Variants in GPD1L observed in about 807,000 individuals in gnomAD.
The protein encoded by GPD1L is glycerol-3-phosphate dehydrogenase 1-like protein.
GPD1L carries 17 observed loss-of-function variants against 32.9 expected under a neutral mutation model. The ratio of observed to expected loss-of-function variants is 0.52; its 90% confidence interval spans 0.35 to 0.78. The LOEUF (loss-of-function observed/expected upper bound fraction) is 0.78. GPD1L is among the 30% of genes least tolerant of loss of function. GPD1L has a pLI of 0.01. For synonymous variants in GPD1L, 187 were observed against 165.9 expected, an observed-to-expected ratio of 1.13 and a Z score of -0.98; for missense variants, 361 against 447.8, an observed-to-expected ratio of 0.81 and a Z score of 1.75.
Position 32,146,729 on chromosome 3 carries a change from C to T in GPD1L, c.613C>T (p.Leu205Phe). The stretch of plus-strand genomic sequence containing the variant: ...AGACACTGTTGAACTCTGTGGTGCG[C>T]TTAAGGTAAAGTCAGCCTCAGGGGA... ...DADTVELCGA[L>F]KNIVAVGAGF... is the part of the protein sequence containing the mutation. Residue 205 changes from leucine to phenylalanine, a missense_variant, in exon 5 of 8, where the codon CTT becomes TTT. By Grantham distance (22) the Leu-to-Phe change is conservative. Transcript: ENST00000282541. 6.3e-7 allele frequency: 1 copy of T among 1,594,620 alleles called. No individual in the cohort carries two copies. Among genetic ancestry groups the T allele is most frequent in the Non-Finnish European group, 8.6e-7 (1 of 1,162,624 alleles).
chr3:32,146,091 T>C (rs906026093), intron 4 of GPD1L, among the ~76,000 whole-genome samples: 2 of 62,700 alleles, frequency 3.2e-5, no homozygotes, highest in South Asian at 4.4e-4. Flanking sequence ...TTCTTTTTTT[T>C]TTTTTTTTTT....
At chr3:32,127,248 C>T (rs1230747910) in intron 1 of GPD1L, among the ~76,000 whole-genome samples, 1 of 152,164 alleles carries the variant, frequency 6.6e-6, no homozygotes, top group African/African-American at 2.4e-5. Flanking sequence ...TCATTTGCTC[C>T]TCACGCCAGG....
intron 2 of GPD1L, among the ~76,000 whole-genome samples, chr3:32,136,267 C>A (rs1700659020): frequency 6.6e-6 from 1 of 152,168 alleles, no homozygotes; most frequent in South Asian, 2.1e-4. Context: ...CAGCAGCATC[C>A]CACACTGTTC....
chr3:32,124,722 T>C (rs777392512), intron 1 of GPD1L, among the ~76,000 whole-genome samples: 4 of 152,028 alleles, frequency 2.6e-5, no homozygotes, highest in Non-Finnish European at 5.9e-5. Context: ...GCCCAGGAGT[T>C]CAAGACTAGC....
intron 4 of GPD1L, among the ~76,000 whole-genome samples, chr3:32,143,570 G>A (rs549197504): frequency 7.9e-5 from 12 of 152,308 alleles, no homozygotes; most frequent in South Asian, 2.1e-4. Flanking sequence ...CGAGCCAGGC[G>A]TGGTGACTCA....
In GPD1L at chr3:32,166,173, CT is replaced by C. The variant is rs1701144159; in HGVS notation, c.*270del. 1 of 498,568 alleles carries C rather than the reference CT, an allele frequency of 2.0e-6. No individual in the cohort carries two copies. Among genetic ancestry groups the C allele is most frequent in the Non-Finnish European group, 3.6e-6 (1 of 276,328 alleles). The allele number at this position is 498,568 out of a possible 1,614,324, so 30.9% of individuals were successfully genotyped here. A position where few individuals can be genotyped will look rare whatever the true frequency, so the allele number is the denominator to read the frequency against. On this transcript the variant is annotated 3_prime_UTR_variant, in exon 8 of 8. Transcript: ENST00000282541. ...GTTTCTATGAGCCAAAATTTGATGT[CT>C]TTTTTTCAAAATTGCTTATGAAATT...
chr3:32,144,822 A>AACACAC lies in GPD1L; in HGVS notation c.506-1773_506-1768dup, dbSNP rs60130762. Among the ~76,000 whole-genome samples, 100 of 142,152 alleles carry AACACAC rather than the reference A, an allele frequency of 7.0e-4. 1 individual carries two copies. Among genetic ancestry groups the AACACAC allele is most frequent in the Admixed American group, 3.1e-3 (44 of 14,212 alleles). 93.3% of individuals were successfully genotyped at this position (142,152 alleles called of 152,430 possible). A position where few individuals can be genotyped will look rare whatever the true frequency, so the allele number is the denominator to read the frequency against. On this transcript the variant is annotated intron_variant, in intron 4 of 7. Transcript: ENST00000282541. ...TGCCTCAGCCTCCTGAGTAGCTGGG[A>AACACAC]ACACACACACACACACACACACACA...
At chr3:32,119,776 C>T (rs57608505) in intron 1 of GPD1L, among the ~76,000 whole-genome samples, 3,473 of 152,190 alleles carry the variant, frequency 0.023, 123 homozygotes, top group African/African-American at 0.079. Flanking sequence ...CAAAGGACCA[C>T]GCTTTTGCCC....
intron 5 of GPD1L, among the ~76,000 whole-genome samples, chr3:32,152,985 T>C (rs907865797): frequency 2.6e-5 from 4 of 151,974 alleles, no homozygotes; most frequent in Non-Finnish European, 5.9e-5. Flanking sequence ...GGCTGGAAAA[T>C]CATTTTGGGG....
intron 1 of GPD1L, among the ~76,000 whole-genome samples, chr3:32,126,477 G>A (rs1388622426): frequency 6.6e-6 from 1 of 152,204 alleles, no homozygotes; most frequent in Non-Finnish European, 1.5e-5. Context: ...CCTTGTGAAA[G>A]TTACTTGATG....
At chr3:32,126,162 T>C in intron 1 of GPD1L, among the ~76,000 whole-genome samples, 1 of 152,182 alleles carries the variant, frequency 6.6e-6, no homozygotes, top group East Asian at 1.9e-4. Flanking sequence ...GCCACTGCAC[T>C]CCAGCCTGGG....
At chr3:32,148,849 C>G (rs529583115) in intron 5 of GPD1L, among the ~76,000 whole-genome samples, 1 of 152,284 alleles carries the variant, frequency 6.6e-6, no homozygotes, top group East Asian at 1.9e-4. Flanking sequence ...TTCCCCCCGA[C>G]TATAACACAG....
At chr3:32,133,303 C>T (rs1001087267) in intron 2 of GPD1L, among the ~76,000 whole-genome samples, 2 of 152,174 alleles carry the variant, frequency 1.3e-5, no homozygotes, top group African/African-American at 4.8e-5. Flanking sequence ...AAAATGAGAA[C>T]AGCCTTGGTA....
intron 5 of GPD1L, among the ~76,000 whole-genome samples, chr3:32,146,985 G>A (rs773275551): frequency 6.6e-6 from 1 of 152,220 alleles, no homozygotes; most frequent in Non-Finnish European, 1.5e-5. Flanking sequence ...GAAGTTGGCA[G>A]CATTGATATT....
At chr3:32,121,735 T>A (rs1700423445) in intron 1 of GPD1L, among the ~76,000 whole-genome samples, 1 of 140,886 alleles carries the variant, frequency 7.1e-6, no homozygotes. Flanking sequence ...ATATATATAT[T>A]TCTATATATA....
chr3:32,112,010 C>T (rs185225228), intron 1 of GPD1L, among the ~76,000 whole-genome samples: 2 of 152,234 alleles, frequency 1.3e-5, no homozygotes, highest in Admixed American at 6.5e-5. Flanking sequence ...GACAGGCGCA[C>T]GGACACACTT....
At chr3:32,154,886 G>A (rs1307906817) in intron 5 of GPD1L, among the ~76,000 whole-genome samples, 1 of 151,864 alleles carries the variant, frequency 6.6e-6, no homozygotes, top group Non-Finnish European at 1.5e-5. Context: ...TAGGTGGGAC[G>A]AAAGGTGCAT....
intron 4 of GPD1L, among the ~76,000 whole-genome samples, chr3:32,142,182 T>C (rs1700753899): frequency 6.6e-6 from 1 of 152,010 alleles, no homozygotes; most frequent in South Asian, 2.1e-4. Flanking sequence ...GCAGTGGTGC[T>C]ATCTTGGCTC....
chr3:32,151,095 T>C, intron 5 of GPD1L: 1 of 423,718 alleles, frequency 2.4e-6, no homozygotes, highest in Non-Finnish European at 4.7e-6. Context: ...ATGCATGAAT[T>C]CATAGAGAAT....
Sources: allele counts gnomAD v4.1 joint callset (sites outside exome capture counted in the v4.1 genomes callset), GRCh38; gene constraint gnomAD v4.1.1; transcripts MANE v1.5; gene names NCBI Gene and HGNC (gene_info 2026-07-23, HGNC 2026-07-21).